Variants in OPCML observed in about 807,000 individuals in gnomAD.
OPCML encodes the protein opioid-binding protein/cell adhesion molecule.
In OPCML, 13 loss-of-function variants were observed where a neutral mutation model predicts 37.8. The ratio of observed to expected loss-of-function variants is 0.34; its 90% CI spans 0.22 to 0.55. The LOEUF is 0.55. Ranked by LOEUF, OPCML falls within the 20% of genes least tolerant of loss-of-function variation. The pLI, the probability that OPCML is intolerant of heterozygous loss-of-function variation, is 0.91. For synonymous variants in OPCML, 176 were observed against 168.8 expected, an observed-to-expected ratio of 1.04 and a Z score of -0.33; for missense variants, 341 against 435.6, an observed-to-expected ratio of 0.78 and a Z score of 1.93.
At chr11:132,504,325 A>T (rs966988755) in intron 4 of OPCML, among the ~76,000 whole-genome samples, 78 of 151,660 alleles carry the variant, frequency 5.1e-4, no homozygotes, top group African/African-American at 1.8e-3. Flanking sequence ...CCGAGCAGCC[A>T]TTAACAATAC....
At chr11:133,166,822 T>C (rs1049993931) in intron 1 of OPCML, among the ~76,000 whole-genome samples, 4 of 152,234 alleles carry the variant, frequency 2.6e-5, no homozygotes, top group African/African-American at 9.6e-5. Context: ...GTCCTCTTTG[T>C]GGGGAGCATT....
intron 2 of OPCML, among the ~76,000 whole-genome samples, chr11:132,809,998 C>A (rs567101226): frequency 2.0e-5 from 3 of 152,080 alleles, no homozygotes; most frequent in Admixed American, 1.3e-4. Flanking sequence ...TACAGGCGCC[C>A]GCCACCACGC....
intron 7 of OPCML, 78 bp downstream of exon 7, chr11:132,436,008 T>A: frequency 2.0e-6 from 3 of 1,483,698 alleles, no homozygotes; most frequent in Non-Finnish European, 2.7e-6. Flanking sequence ...GCCAAGCAGA[T>A]TGCAACTTCC....
intron 1 of OPCML, among the ~76,000 whole-genome samples, chr11:133,080,979 G>T (rs548476024): frequency 6.6e-6 from 1 of 152,244 alleles, no homozygotes; most frequent in South Asian, 2.1e-4. Flanking sequence ...GGGGAAAGGG[G>T]CTTACCGCCA....
chr11:133,362,553 C>T (rs1363434298), intron 1 of OPCML, among the ~76,000 whole-genome samples: 1 of 152,190 alleles, frequency 6.6e-6, no homozygotes, highest in African/African-American at 2.4e-5. Context: ...GTCAAGCTGC[C>T]ACAATCGCCA....
chr11:132,924,551 T>C (rs1944924996), intron 2 of OPCML, among the ~76,000 whole-genome samples: 1 of 152,236 alleles, frequency 6.6e-6, no homozygotes, highest in Non-Finnish European at 1.5e-5. Context: ...TTTCTTGCAA[T>C]GCTTTAAATA....
At chr11:132,579,907 C>T (rs1042662247) in intron 3 of OPCML, among the ~76,000 whole-genome samples, 6 of 152,076 alleles carry the variant, frequency 3.9e-5, no homozygotes, top group African/African-American at 1.2e-4. Flanking sequence ...TGTGCACTGG[C>T]GACTTGTGAA....
chr11:132,537,569 A>C (rs1200413916), intron 3 of OPCML, among the ~76,000 whole-genome samples: 3 of 152,236 alleles, frequency 2.0e-5, no homozygotes, highest in Non-Finnish European at 1.5e-5. Context: ...AGCAGAAAAA[A>C]TAGATAAACC....
intron 1 of OPCML, among the ~76,000 whole-genome samples, chr11:132,978,811 G>T (rs779796463): frequency 6.6e-6 from 1 of 150,662 alleles, no homozygotes. Flanking sequence ...GTATATACAC[G>T]CACACACAGA....
intron 3 of OPCML, among the ~76,000 whole-genome samples, chr11:132,564,925 C>A (rs1343960083): frequency 1.3e-5 from 2 of 152,128 alleles, no homozygotes; most frequent in Non-Finnish European, 2.9e-5. Flanking sequence ...CCTGGGAATG[C>A]CAGTCATTAT....
At chr11:132,645,366 C>A (rs528959940) in intron 3 of OPCML, among the ~76,000 whole-genome samples, 1 of 152,274 alleles carries the variant, frequency 6.6e-6, no homozygotes, top group South Asian at 2.1e-4. Context: ...TTATTTATTC[C>A]TAAGAATAAC....
chr11:132,786,466 A>T (rs1254482638), intron 2 of OPCML, among the ~76,000 whole-genome samples: 1 of 152,228 alleles, frequency 6.6e-6, no homozygotes, highest in African/African-American at 2.4e-5. Flanking sequence ...TAAAGAAAAT[A>T]AATGGCTTTG....
chr11:133,014,319 T>C (rs1256778512), intron 1 of OPCML, among the ~76,000 whole-genome samples: 1 of 150,040 alleles, frequency 6.7e-6, no homozygotes, highest in Admixed American at 6.6e-5. Context: ...AAGCTGCTTG[T>C]TTTTTTTTTC....
At chr11:133,421,756 C>T (rs1287642791) in intron 1 of OPCML, 2 of 985,130 alleles carry the variant, frequency 2.0e-6, no homozygotes, top group East Asian at 1.1e-4. Flanking sequence ...GCAATGACAC[C>T]AACAGTCCTT....
chr11:132,926,755 T>A (rs2136611883), intron 2 of OPCML, among the ~76,000 whole-genome samples: 1 of 152,102 alleles, frequency 6.6e-6, no homozygotes, highest in African/African-American at 2.4e-5. Context: ...ACTTAAAACT[T>A]ACCTGAAAAG....
intron 2 of OPCML, among the ~76,000 whole-genome samples, chr11:132,720,905 G>GT (rs112914887): frequency 0.055 from 8,268 of 151,690 alleles, 467 homozygotes; most frequent in African/African-American, 0.15. Flanking sequence ...TTTACATAGA[G>GT]TTTTTTTTAA....
rs187265340 is a variant in OPCML at position 133,474,798 on chromosome 11, G to A, written c.61+57466C>T. On this transcript the variant is annotated intron_variant, in intron 1 of 7. Transcript: ENST00000524381. ...GATGGCAGGAAGTCGGGGTGAGAGA[G>A]AATATAGGAGAGGAGGGTGGGGAGT... 4.6e-3 allele frequency among the ~76,000 whole-genome samples: 694 copies of A among 152,326 alleles called. 6 individuals carry two copies. Among genetic ancestry groups the A allele is most frequent in the Non-Finnish European group, 7.1e-3 (480 of 68,024 alleles).
At chr11:133,423,732 G>A (rs2136900508) in intron 1 of OPCML, among the ~76,000 whole-genome samples, 1 of 152,284 alleles carries the variant, frequency 6.6e-6, no homozygotes, top group Non-Finnish European at 1.5e-5. Context: ...CAATGTTAGA[G>A]GTAGGGCCTG....
chr11:133,099,351 C>A (rs111716856), intron 1 of OPCML, among the ~76,000 whole-genome samples: 2,479 of 151,846 alleles, frequency 0.016, 52 homozygotes, highest in African/African-American at 0.053. Context: ...CAAGCTCCAC[C>A]TCCCAGGTTC....
Sources: gnomAD v4.1 joint callset for allele counts (sites outside exome capture counted in the v4.1 genomes callset) on GRCh38, gnomAD v4.1.1 for gene constraint, MANE v1.5 for transcripts, NCBI Gene and HGNC (gene_info 2026-07-23, HGNC 2026-07-21) for gene names.